PTPRF: variants seen among roughly 807,000 people sequenced by gnomAD.
PTPRF encodes protein tyrosine phosphatase receptor type F.
A neutral mutation model predicts 201.8 loss-of-function variants in PTPRF; 59 were observed. The ratio of observed to expected loss-of-function variants is 0.29; its 90% confidence interval spans 0.24 to 0.36. PTPRF has a LOEUF of 0.36. PTPRF is among the 10% of genes least tolerant of loss of function. The pLI, the probability that PTPRF is intolerant of heterozygous loss-of-function variation, is 1.00. For missense variants in PTPRF, 2,132 were observed against 2,690.5 expected, an observed-to-expected ratio of 0.79 and a Z score of 4.59; for synonymous variants, 1,088 against 1,089.7, an observed-to-expected ratio of 1.00 and a Z score of 0.03.
Position 43,598,008 on chromosome 1 carries a change from C to G in PTPRF, c.2074C>G (p.Pro692Ala), listed in dbSNP as rs1387060597. 1.3e-6 allele frequency: 2 copies of G among 1,524,358 alleles called. No individual in the cohort carries two copies. Among genetic ancestry groups the G allele is most frequent in the Admixed American group, 4.0e-5 (2 of 49,772 alleles). The allele number at this position is 1,524,358 out of a possible 1,614,324, so 94.4% of individuals were successfully genotyped here. The change falls in exon 12 of 34, where the codon CCC becomes GCC. Residue 692 changes from proline (P) to alanine (A), a missense_variant. Coordinates refer to ENST00000359947, the MANE Select transcript of PTPRF (RefSeq NM_002840.5). The stretch of plus-strand genomic sequence containing the variant: ...GGTGCGGGCACACACAGACGTGGGC[C>G]CCGGCCCCGAGAGCAGCCCGGTGCT... ...VWVRAHTDVG[P>A]GPESSPVLVR...
chr1:43,600,133 G>T (rs541964793), intron 13 of PTPRF, among the ~76,000 whole-genome samples: 1 of 152,228 alleles, frequency 6.6e-6, no homozygotes, highest in African/African-American at 2.4e-5. Flanking sequence ...AGGCATCCGG[G>T]GTGGAGGAGG....
Position 43,554,257 on chromosome 1 carries a change from T to A in PTPRF, c.379+316T>A, listed in dbSNP as rs184692258. On this transcript the variant is annotated intron_variant, in intron 5 of 33. Coordinates refer to ENST00000359947, the MANE Select transcript of PTPRF (RefSeq NM_002840.5). The surrounding 1 kb of genome is among the most constrained non-coding windows in gnomAD (Gnocchi z 4.1). ...GTGTATCCCTTGGGTTACGTGGTTATGGCTGTGGCTGTTTGGCAGTGAACC... is the reference window on the plus strand; with the variant it reads ...GTGTATCCCTTGGGTTACGTGGTTAAGGCTGTGGCTGTTTGGCAGTGAACC... 4.5e-4 allele frequency among the ~76,000 whole-genome samples: 68 copies of A among 152,316 alleles called. No homozygotes were observed. The highest frequency in any genetic ancestry group is 1.5e-3 in the African/African-American group (61 of 41,566).
rs189282557 is a variant in PTPRF at position 43,592,753 on chromosome 1, G to A, written c.1813+152G>A. 181 of 972,528 alleles carry A rather than the reference G, an allele frequency of 1.9e-4. 1 individual carries two copies. Among genetic ancestry groups the A allele is most frequent in the Non-Finnish European group, 1.7e-4 (119 of 703,524 alleles). The allele number at this position is 972,528 out of a possible 1,614,324, so 60.2% of individuals were successfully genotyped here. ...GGCCTGGGCTCTGAGTCTGGGCCTC[G>A]GGAGAGGGCCAGGTAAGTGCCTCCC... is the stretch of plus-strand genomic sequence containing the variant. On this transcript the variant is annotated intron_variant, in intron 11 of 33. Transcript: ENST00000359947.
chr1:43,529,631 G>C (rs564939427), upstream of PTPRF, among the ~76,000 whole-genome samples: 1 of 152,274 alleles, frequency 6.6e-6, no homozygotes, highest in Non-Finnish European at 1.5e-5. Flanking sequence ...GCAAGCGGCG[G>C]GGGGAGGAGG....
upstream of PTPRF, among the ~76,000 whole-genome samples, chr1:43,527,892 T>G (rs1472303339): frequency 6.6e-6 from 1 of 152,234 alleles, no homozygotes; most frequent in South Asian, 2.1e-4. Context: ...TTCCCTCACT[T>G]AGTCATTTAT....
chr1:43,539,885 T>G (rs915761751), intron 2 of PTPRF, among the ~76,000 whole-genome samples: 1 of 151,828 alleles, frequency 6.6e-6, no homozygotes, highest in African/African-American at 2.4e-5. Flanking sequence ...GATGTGGGGG[T>G]ACAGGGGAAG....
chr1:43,621,923 C>T lies in PTPRF; in HGVS notation c.5656-12C>T. The T allele has an allele frequency of 6.2e-7, 1 of 1,614,070 alleles. No individual in the cohort carries two copies. The highest frequency in any genetic ancestry group is 8.5e-7 in the Non-Finnish European group (1 of 1,179,962). ...GGCGCGACCCACACTGACCAGCCCC[C>T]TATCCTGGCAGGACCAGTATCAGCT... On this transcript the variant is annotated splice_polypyrimidine_tract_variant and intron_variant, in intron 33 of 33. Transcript: ENST00000359947.
At chr1:43,594,639 G>T (rs1464754448) in intron 11 of PTPRF, among the ~76,000 whole-genome samples, 1 of 152,170 alleles carries the variant, frequency 6.6e-6, no homozygotes, top group African/African-American at 2.4e-5. Flanking sequence ...GATGCTGACT[G>T]GTCAGACTTG....
chr1:43,560,323 C>G (rs1300660601), intron 5 of PTPRF, among the ~76,000 whole-genome samples: 1 of 151,970 alleles, frequency 6.6e-6, no homozygotes, highest in Non-Finnish European at 1.5e-5. Context: ...GTGGTGCATA[C>G]AGCAGGTGGT....
At chr1:43,587,016 A>G (rs1037776388) in intron 7 of PTPRF, among the ~76,000 whole-genome samples, 2 of 152,236 alleles carry the variant, frequency 1.3e-5, no homozygotes, top group East Asian at 3.8e-4. Flanking sequence ...CTCATGCCCT[A>G]GGTGAACCTG....
chr1:43,601,514 T>TA (rs1653732740), intron 13 of PTPRF, among the ~76,000 whole-genome samples: 1 of 152,224 alleles, frequency 6.6e-6, no homozygotes, highest in African/African-American at 2.4e-5. Flanking sequence ...CCCCAACTCT[T>TA]ACTGTTGTGG....
chr1:43,571,399 C>G (rs1196787050), intron 6 of PTPRF, among the ~76,000 whole-genome samples: 1 of 152,230 alleles, frequency 6.6e-6, no homozygotes, highest in Non-Finnish European at 1.5e-5. Context: ...ACCTGCAACT[C>G]TAGCTTTAGT....
At chr1:43,609,635 C>G (rs1024524413) in intron 22 of PTPRF, 137 bp downstream of exon 22, 2 of 651,614 alleles carry the variant, frequency 3.1e-6, no homozygotes, top group African/African-American at 1.8e-5. Flanking sequence ...CCTTTCTGCC[C>G]TTCTCCCTGT....
In PTPRF at chr1:43,573,036, C is replaced by A. The variant is rs531244834; in HGVS notation, c.568+3258C>A. ...ACAGCACATCTAACCAGGGCATGAC[C>A]CCCCAAGTAGGAGCTGGACAGGAGG... On this transcript the variant is annotated intron_variant, in intron 6 of 33. Transcript: ENST00000359947. Among the ~76,000 whole-genome samples, 8 of 152,220 alleles carry A rather than the reference C, an allele frequency of 5.3e-5. No homozygotes were observed. The East Asian group carries it at 1.6e-3, about 30-fold the overall frequency.
upstream of PTPRF, among the ~76,000 whole-genome samples, chr1:43,524,568 T>A (rs1643042990): frequency 1.3e-5 from 2 of 152,124 alleles, no homozygotes; most frequent in African/African-American, 4.8e-5. Flanking sequence ...AGTAGGTTTA[T>A]GGATGGCTCC....
At chr1:43,550,574 C>T (rs998988816) in intron 3 of PTPRF, among the ~76,000 whole-genome samples, 15 of 152,244 alleles carry the variant, frequency 9.9e-5, no homozygotes, top group Non-Finnish European at 1.8e-4. Flanking sequence ...GGGTCAGACA[C>T]TGGGACAGGA....
At chr1:43,584,781 T>C (rs1288601790) in intron 7 of PTPRF, among the ~76,000 whole-genome samples, 1 of 152,198 alleles carries the variant, frequency 6.6e-6, no homozygotes, top group Non-Finnish European at 1.5e-5. Flanking sequence ...AAGAGTTATT[T>C]TATCTTGATA....
At chr1:43,620,000 G>A (rs556959699) in intron 29 of PTPRF, 95 bp from the exon 30 acceptor site, 1 of 1,577,460 alleles carries the variant, frequency 6.3e-7, no homozygotes, top group Non-Finnish European at 8.6e-7. Flanking sequence ...TGGAGGAGGG[G>A]TGATCTGAGC....
intron 3 of PTPRF, among the ~76,000 whole-genome samples, chr1:43,547,036 C>T (rs190784560): frequency 5.3e-4 from 80 of 152,260 alleles, no homozygotes; most frequent in African/African-American, 1.8e-3. Flanking sequence ...AAGGTAGAGT[C>T]GTGTCACAAG....
Sources: allele counts gnomAD v4.1 joint callset (sites outside exome capture counted in the v4.1 genomes callset), GRCh38; gene constraint gnomAD v4.1.1; non-coding constraint Gnocchi (gnomAD v3.1); transcripts MANE v1.5; gene names NCBI Gene and HGNC (gene_info 2026-07-23, HGNC 2026-07-21).